FNDC3A: variants seen among roughly 807,000 people sequenced by gnomAD.
FNDC3A encodes the protein fibronectin type III domain containing 3A.
Under a neutral mutation model 148.9 loss-of-function variants are expected in FNDC3A, and 32 were observed. The ratio of observed to expected loss-of-function variants is 0.21; its 90% CI spans 0.16 to 0.29. The LOEUF is 0.29. FNDC3A is among the 10% of genes least tolerant of loss of function. The pLI is 1.00. For missense variants in FNDC3A, 1,191 were observed against 1,452.8 expected, an observed-to-expected ratio of 0.82 and a Z score of 2.93; for synonymous variants, 472 against 473.6, an observed-to-expected ratio of 1.00 and a Z score of 0.04.
At chr13:49,087,905 CAG>C (rs1383571424) in intron 3 of FNDC3A, among the ~76,000 whole-genome samples, 5 of 152,008 alleles carry the variant, frequency 3.3e-5, no homozygotes, top group Admixed American at 6.6e-5. Context: ...TTCTAGGTAA[CAG>C]AAATTTAGAA....
chr13:49,061,083 C>A (rs1876649722), intron 2 of FNDC3A, among the ~76,000 whole-genome samples: 1 of 151,546 alleles, frequency 6.6e-6, no homozygotes, highest in Admixed American at 6.6e-5. Flanking sequence ...CATATTGAGA[C>A]TAAAAAAAAA....
intron 6 of FNDC3A, among the ~76,000 whole-genome samples, chr13:49,137,756 T>G (rs1382320264): frequency 6.6e-6 from 1 of 152,238 alleles, no homozygotes; most frequent in Non-Finnish European, 1.5e-5. Flanking sequence ...ACCCAGTACT[T>G]TTGATTGTAA....
chr13:49,012,413 G>GT (rs1300502318), intron 2 of FNDC3A, among the ~76,000 whole-genome samples: 1 of 152,090 alleles, frequency 6.6e-6, no homozygotes, highest in Non-Finnish European at 1.5e-5. Flanking sequence ...TCATTGATCT[G>GT]TTTTATTATC....
chr13:49,138,158 A>T (rs1365519567), intron 6 of FNDC3A, among the ~76,000 whole-genome samples: 1 of 152,216 alleles, frequency 6.6e-6, no homozygotes, highest in Non-Finnish European at 1.5e-5. Flanking sequence ...CCTCACTAAC[A>T]AATTTCAAAT....
intron 2 of FNDC3A, among the ~76,000 whole-genome samples, chr13:49,064,628 G>C (rs1176687649): frequency 6.6e-6 from 1 of 152,096 alleles, no homozygotes; most frequent in Admixed American, 6.5e-5. Context: ...TAGAGGAGGG[G>C]CCCCAGTGGC....
intron 3 of FNDC3A, among the ~76,000 whole-genome samples, chr13:49,078,675 G>T (rs1264929260): frequency 1.3e-5 from 2 of 152,192 alleles, no homozygotes; most frequent in East Asian, 3.8e-4. Flanking sequence ...AGCAAGAGAA[G>T]ACAAGAAAAG....
intron 3 of FNDC3A, among the ~76,000 whole-genome samples, chr13:49,107,142 A>G (rs996717775): frequency 3.9e-5 from 6 of 152,280 alleles, no homozygotes; most frequent in East Asian, 3.9e-4. Context: ...GACTTGCACT[A>G]TTTTCTTTTG....
intron 3 of FNDC3A, among the ~76,000 whole-genome samples, chr13:49,101,783 T>C (rs1879869836): frequency 6.6e-6 from 1 of 150,840 alleles, no homozygotes; most frequent in African/African-American, 2.4e-5. Context: ...TCTTGGACTA[T>C]ACCTGCTTTA....
intron 4 of FNDC3A, among the ~76,000 whole-genome samples, chr13:49,120,850 T>G (rs1881292948): frequency 6.6e-6 from 1 of 151,984 alleles, no homozygotes; most frequent in Non-Finnish European, 1.5e-5. Flanking sequence ...TAAAGCAAGT[T>G]CTTAGAGACC....
Position 49,207,572 on chromosome 13 carries a change from T to C in FNDC3A, c.*177T>C, listed in dbSNP as rs1237880575. On this transcript the variant is annotated 3_prime_UTR_variant, in exon 26 of 26. Transcript: ENST00000492622. ...GGTAGAGGCTGGCACTTTATTAGAATGCAAGCCACAAAAATATCAATTTTG... is the reference window on the plus strand; with the variant it reads ...GGTAGAGGCTGGCACTTTATTAGAACGCAAGCCACAAAAATATCAATTTTG... 1.4e-5 allele frequency: 6 copies of C among 420,864 alleles called. No individual in the cohort carries two copies. Among genetic ancestry groups the C allele is most frequent in the Non-Finnish European group, 2.5e-5 (6 of 237,946 alleles). 26.1% of individuals were successfully genotyped at this position (420,864 alleles called of 1,614,324 possible). A position where few individuals can be genotyped will look rare whatever the true frequency, so the allele number is the denominator to read the frequency against.
intron 2 of FNDC3A, among the ~76,000 whole-genome samples, chr13:49,042,589 A>G (rs1875021140): frequency 6.6e-6 from 1 of 152,078 alleles, no homozygotes; most frequent in Admixed American, 6.5e-5. Flanking sequence ...CAGCCTAGGC[A>G]AGATAGTGAG....
At position 49,024,611 on chromosome 13, in the gene FNDC3A, A is replaced by T. The variant is rs547755994; in HGVS notation, c.99+18322A>T. Reference sequence around the variant, plus strand: ...AGTAAGTGTGATACATGACATCAACATAATGAAGGACAAGAACCATAAAAC... The same window carrying T: ...AGTAAGTGTGATACATGACATCAACTTAATGAAGGACAAGAACCATAAAAC... On this transcript the variant is annotated intron_variant, in intron 2 of 25. Transcript: ENST00000492622. Among the ~76,000 whole-genome samples, 44 of 152,162 alleles carry T rather than the reference A, an allele frequency of 2.9e-4. No homozygotes were observed. The South Asian group carries it at 9.1e-3, about 32-fold the overall frequency.
chr13:49,143,539 C>A (rs1295620561), intron 7 of FNDC3A, among the ~76,000 whole-genome samples: 1 of 152,020 alleles, frequency 6.6e-6, no homozygotes, highest in East Asian at 1.9e-4. Flanking sequence ...GACAAAAATG[C>A]ATGGTTATAT....
At chr13:49,136,301 T>C (rs1478278356) in intron 5 of FNDC3A, 31 bp from the exon 6 acceptor site, 3 of 1,570,566 alleles carry the variant, frequency 1.9e-6, no homozygotes, top group South Asian at 2.3e-5. Flanking sequence ...GAAAGTGATC[T>C]TCTTAACATT....
At chr13:49,152,991 G>A (rs961871340) in intron 8 of FNDC3A, among the ~76,000 whole-genome samples, 1 of 150,302 alleles carries the variant, frequency 6.7e-6, no homozygotes, top group African/African-American at 2.4e-5. Flanking sequence ...GTGTGCATGT[G>A]TCTTTATAGC....
intron 2 of FNDC3A, among the ~76,000 whole-genome samples, chr13:49,033,013 G>A (rs1874240695): frequency 6.6e-6 from 1 of 152,034 alleles, no homozygotes; most frequent in Non-Finnish European, 1.5e-5. Context: ...TTTGATAAAT[G>A]GGTTAAATTT....
intron 10 of FNDC3A, among the ~76,000 whole-genome samples, chr13:49,169,130 AAGG>A (rs1884630286): frequency 6.6e-6 from 1 of 152,214 alleles, no homozygotes; most frequent in African/African-American, 2.4e-5. Context: ...TGCTGCCTAA[AAGG>A]AGGAATAAAG....
chr13:49,200,280 C>T (rs1007014158), intron 23 of FNDC3A, among the ~76,000 whole-genome samples: 11 of 152,118 alleles, frequency 7.2e-5, no homozygotes, highest in Non-Finnish European at 1.6e-4. Context: ...AATACTTATA[C>T]ATTTAAAATA....
intron 3 of FNDC3A, among the ~76,000 whole-genome samples, chr13:49,112,008 CAT>C (rs1302488569): frequency 1.3e-5 from 2 of 152,094 alleles, no homozygotes; most frequent in Non-Finnish European, 2.9e-5. Flanking sequence ...ATTGTAACTA[CAT>C]ATATATTCGT....
Sources: gnomAD v4.1 joint callset for allele counts (sites outside exome capture counted in the v4.1 genomes callset) on GRCh38, gnomAD v4.1.1 for gene constraint, MANE v1.5 for transcripts, NCBI Gene and HGNC (gene_info 2026-07-23, HGNC 2026-07-21) for gene names.